Variants in SLC34A1 observed in about 807,000 individuals in gnomAD.
SLC34A1 encodes the protein solute carrier family 34 member 1, also known as sodium-dependent phosphate transport protein 2A.
In SLC34A1, 57 loss-of-function variants were observed where a neutral mutation model predicts 51.4. That is an observed-to-expected ratio of 1.11 (90% CI 0.90 to 1.38). The LOEUF (loss-of-function observed/expected upper bound fraction) is 1.38, where lower values mean the gene tolerates loss of function less well. Among genes scored for constraint, SLC34A1 ranks in the 40% most tolerant of loss-of-function variants. The pLI, the probability that SLC34A1 is intolerant of heterozygous loss-of-function variation, is 0.00. For missense variants in SLC34A1, 796 were observed against 835.6 expected (o/e 0.95, Z 0.58); for synonymous variants, 368 against 358.0 (o/e 1.03, Z -0.32).
chr5:177,397,787 C>T lies in SLC34A1; in HGVS notation c.1421C>T (p.Ala474Val). The T allele has an allele frequency of 6.2e-7, 1 of 1,609,188 alleles. No homozygotes were observed. The highest frequency in any genetic ancestry group is 8.5e-7 in the Non-Finnish European group (1 of 1,179,914). Residue 474 changes from alanine (A) to valine (V), a missense_variant, in exon 13 of 13, where the codon GCC becomes GTC. By Grantham distance (64) the Ala-to-Val change is moderately conservative. Transcript: ENST00000324417. ...CCTCTGCCTCATCCCCTGCAGATTGCCCTCTGTCACTTCTTCTTCAACATC... is the reference window on the plus strand; with the variant it reads ...CCTCTGCCTCATCCCCTGCAGATTGTCCTCTGTCACTTCTTCTTCAACATC... The part of the protein sequence containing the change: ...REKLSSAFQI[A>V]LCHFFFNISG...
Position 177,386,446 on chromosome 5 carries a change from A to C in SLC34A1, c.412A>C (p.Lys138Gln), listed in dbSNP as rs767666753. 3.1e-6 allele frequency: 5 copies of C among 1,614,106 alleles called. No individual in the cohort carries two copies. The highest frequency in any genetic ancestry group is 4.2e-6 in the Non-Finnish European group (5 of 1,179,990). The change falls in exon 5 of 13, where the codon AAG becomes CAG. Residue 138 changes from lysine to glutamine, a missense_variant. Physicochemically the swap from Lys to Gln is moderately conservative, Grantham distance 53. Coordinates refer to ENST00000324417, the MANE Select transcript of SLC34A1 (RefSeq NM_003052.5). This position sits in a 1 kb window ranked among gnomAD's most constrained non-coding sequence, Gnocchi z 4.8. ...AGGKVAGDIF[K>Q]DNAILSNPVA... ...AGGGAAGGTGGCTGGTGACATCTTC[A>C]AGGATAACGCCATCCTGTCCAACCC...
intron 8 of SLC34A1, among the ~76,000 whole-genome samples, chr5:177,389,047 C>T (rs1328185174): frequency 1.3e-5 from 2 of 152,108 alleles, no homozygotes. Context: ...TCGGGGGTTC[C>T]TTCTCCTGGA....
chr5:177,397,303 G>A (rs182713541), intron 12 of SLC34A1: 263 of 573,602 alleles, frequency 4.6e-4, no homozygotes, highest in African/African-American at 4.5e-3. Context: ...GCAGTGAGTC[G>A]GATTTGCACC....
chr5:177,397,960 G>C lies in SLC34A1; in HGVS notation c.1594G>C (p.Gly532Arg), dbSNP rs1455852751. The change falls in exon 13 of 13, where the codon GGC becomes CGC. Residue 532 changes from glycine to arginine, a missense_variant. By Grantham distance (125) the Gly-to-Arg change is moderately radical (BLOSUM62 -2). Coordinates refer to ENST00000324417, the MANE Select transcript of SLC34A1 (RefSeq NM_003052.5). ...CCTGCTGCTGCCCTCACTGGTGTTT[G>C]GCATCTCCATGGCAGGCTGGCAGGT... ...CFLLLPSLVFGISMAGWQVMV... is the reference protein window; with the variant it reads ...CFLLLPSLVFRISMAGWQVMV... 6.2e-7 allele frequency: 1 copy of C among 1,614,058 alleles called. No individual in the cohort carries two copies.
chr5:177,397,684 C>T, intron 12 of SLC34A1, 99 bp from the exon 13 acceptor site: 1 of 1,528,260 alleles, frequency 6.5e-7, no homozygotes. Context: ...TTTCCTGCTG[C>T]CCAGACCAGA....
Position 177,397,092 on chromosome 5 carries a change from C to G in SLC34A1, c.1416+18C>G. The G allele has an allele frequency of 6.2e-7, 1 of 1,611,040 alleles. No homozygotes were observed. Among genetic ancestry groups the G allele is most frequent in the East Asian group, 2.2e-5 (1 of 44,832 alleles). ...CTTTCCAGGTGCGCTGGGAGTGTAGCCTCGCCTGGGGCAGGATGGAGCTGC... is the reference window on the plus strand; with the variant it reads ...CTTTCCAGGTGCGCTGGGAGTGTAGGCTCGCCTGGGGCAGGATGGAGCTGC... On this transcript the variant is annotated intron_variant, in intron 12 of 12. Transcript: ENST00000324417.
Position 177,387,982 on chromosome 5 carries a change from C to T in SLC34A1, c.645-12C>T, listed in dbSNP as rs766158072. The T allele has an allele frequency of 7.4e-6, 12 of 1,611,988 alleles. No individual in the cohort carries two copies. The highest frequency in any genetic ancestry group is 1.0e-5 in the Non-Finnish European group (12 of 1,178,774). On this transcript the variant is annotated splice_polypyrimidine_tract_variant and intron_variant, in intron 6 of 12. Transcript: ENST00000324417. ...GCTCGAGCCTGCCTTGCAATGTGGC[C>T]TCCCTGCCCAGGGCCTTCGCGGGGG... is the stretch of plus-strand genomic sequence containing the variant.
chr5:177,398,485 G>A lies in SLC34A1; in HGVS notation c.*199G>A, dbSNP rs184681637. 2.5e-5 allele frequency: 17 copies of A among 672,904 alleles called. No individual in the cohort carries two copies. Among genetic ancestry groups the A allele is most frequent in the Admixed American group, 4.3e-5 (2 of 46,582 alleles). 41.7% of individuals were successfully genotyped at this position (672,904 alleles called of 1,614,324 possible). A position where few individuals can be genotyped will look rare whatever the true frequency, so the allele number is the denominator to read the frequency against. On this transcript the variant is annotated 3_prime_UTR_variant, in exon 13 of 13. Coordinates refer to ENST00000324417, the MANE Select transcript of SLC34A1 (RefSeq NM_003052.5). The surrounding 1 kb of genome is among the most constrained non-coding windows in gnomAD (Gnocchi z 4.7). ...TGGGGGTGAGTCTGCATGTGCACCT[G>A]TCATGTGTAGAAGCTTGTATTTGTG...
intron 12 of SLC34A1, chr5:177,397,443 C>T: frequency 2.0e-6 from 1 of 503,530 alleles, no homozygotes; most frequent in Non-Finnish European, 3.6e-6. Context: ...ACTGACAAGC[C>T]AAGGCACTGA....
At chr5:177,395,055 C>A (rs1762917481) in intron 10 of SLC34A1, among the ~76,000 whole-genome samples, 1 of 151,980 alleles carries the variant, frequency 6.6e-6, no homozygotes, top group African/African-American at 2.4e-5. Context: ...CTCCTATAGT[C>A]CCAGGTACCC....
rs1426803194 is a variant in SLC34A1 at position 177,396,899 on chromosome 5, A to C, written c.1291+50A>C. On this transcript the variant is annotated intron_variant, in intron 11 of 12. Transcript: ENST00000324417. This position sits in a 1 kb window ranked among gnomAD's most constrained non-coding sequence, Gnocchi z 4.0. ...TGGGGTGGGCCAGGGCTGGCAGGGA[A>C]AGGGCCGAAGGAGACGCTGGGGGTC... is the stretch of plus-strand genomic sequence containing the variant. 8 of 1,614,006 alleles carry C rather than the reference A, an allele frequency of 5.0e-6. No individual in the cohort carries two copies. The highest frequency in any genetic ancestry group is 5.1e-6 in the Non-Finnish European group (6 of 1,180,020).
rs537960854 is a variant in SLC34A1, at chr5:177,397,938, G to C, written c.1572G>C (p.Leu524=). The C allele has an allele frequency of 5.0e-6, 8 of 1,613,936 alleles. No individual in the cohort carries two copies. The highest frequency in any genetic ancestry group is 1.7e-5 in the Admixed American group (1 of 60,006). Residue 524 remains leucine (L), a synonymous_variant, in exon 13 of 13, where the codon CTG becomes CTC. Transcript: ENST00000324417. The part of the protein sequence containing the change: ...FAVLYLLVCF[L]LLPSLVFGIS... ...TCCTCTATCTCCTTGTCTGCTTCCT[G>C]CTGCTGCCCTCACTGGTGTTTGGCA... is the stretch of plus-strand genomic sequence containing the variant.
chr5:177,387,947 C>T, intron 6 of SLC34A1, 47 bp from the exon 7 acceptor site: 1 of 1,610,742 alleles, frequency 6.2e-7, no homozygotes, highest in South Asian at 1.1e-5. Flanking sequence ...CCAGGCGTGA[C>T]TGTGCACTGG....
rs764043918 is a variant in SLC34A1 at position 177,394,113 on chromosome 5, C to G, written c.1092C>G (p.Thr364=). Residue 364 remains threonine, a synonymous_variant, in exon 10 of 13, where the codon ACC becomes ACG. Transcript: ENST00000324417. Reference sequence around the variant, plus strand: ...CAGGATCCCTGGTGCTGCTGTGCACCTGCCTCATCCTCCTAGTCAAGATGC... The same window carrying G: ...CAGGATCCCTGGTGCTGCTGTGCACGTGCCTCATCCTCCTAGTCAAGATGC... ...LLAGSLVLLC[T]CLILLVKMLN... 10 of 1,614,070 alleles carry G rather than the reference C, an allele frequency of 6.2e-6. No homozygotes were observed. In the Admixed American group the frequency reaches 1.5e-4, roughly 24 times the overall value.
In SLC34A1 at chr5:177,388,885, C is replaced by T. The variant is rs1762699821; in HGVS notation, c.936+513C>T. Among the ~76,000 whole-genome samples, 1 of 152,024 alleles carries T rather than the reference C, an allele frequency of 6.6e-6. No homozygotes were observed. Among genetic ancestry groups the T allele is most frequent in the Non-Finnish European group, 1.5e-5 (1 of 68,000 alleles). ...TCCTACCATGTCAGGGCCTGAGCAC[C>T]CTAGAGGGGTTAGTGACTCAGCTGG... On this transcript the variant is annotated intron_variant, in intron 8 of 12. Transcript: ENST00000324417. This position sits in a 1 kb window ranked among gnomAD's most constrained non-coding sequence, Gnocchi z 4.3.
intron 10 of SLC34A1, among the ~76,000 whole-genome samples, chr5:177,394,533 G>A (rs1762899767): frequency 6.6e-6 from 1 of 152,196 alleles, no homozygotes; most frequent in Non-Finnish European, 1.5e-5. Flanking sequence ...GCCCTGAGGG[G>A]CTCACAGCCC....
At chr5:177,393,584 C>A in intron 8 of SLC34A1, 110 bp from the exon 9 acceptor site, 1 of 1,010,760 alleles carries the variant, frequency 9.9e-7, no homozygotes, top group Admixed American at 1.8e-5. Context: ...TCCATGGTCA[C>A]AGAGCAGGAG....
intron 12 of SLC34A1, 159 bp from the exon 13 acceptor site, chr5:177,397,624 C>T: frequency 1.1e-6 from 1 of 879,998 alleles, no homozygotes; most frequent in South Asian, 1.5e-5. Context: ...CCAGCATAGC[C>T]ACCTCGGGGT....
chr5:177,391,541 G>A (rs1024371816), intron 8 of SLC34A1, among the ~76,000 whole-genome samples: 4 of 152,178 alleles, frequency 2.6e-5, no homozygotes, highest in Non-Finnish European at 5.9e-5. Flanking sequence ...TCATTCAAGG[G>A]GTTGTCTGCT....
Sources: gnomAD v4.1 joint callset for allele counts (sites outside exome capture counted in the v4.1 genomes callset) on GRCh38, gnomAD v4.1.1 for gene constraint, Gnocchi (gnomAD v3.1) non-coding constraint, MANE v1.5 for transcripts, NCBI Gene and HGNC (gene_info 2026-07-23, HGNC 2026-07-21) for gene names.